The following AEBP1 variants were observed in gnomAD, a reference collection of about 807,000 sequenced individuals.
AEBP1 encodes AE binding protein 1.
AEBP1 carries 69 observed loss-of-function variants against 116.5 expected under a neutral mutation model. That is an observed-to-expected ratio of 0.59 (90% CI 0.49 to 0.72). The LOEUF (loss-of-function observed/expected upper bound fraction) is 0.72. Among genes scored for constraint, AEBP1 ranks in the 30% least tolerant of loss-of-function variants. The pLI is 0.00. For synonymous variants in AEBP1, 627 were observed against 627.3 expected, an observed-to-expected ratio of 1.00 and a Z score of 0.01; for missense variants, 1,444 against 1,557.5, an observed-to-expected ratio of 0.93 and a Z score of 1.23.
In AEBP1 at chr7:44,114,000, G is replaced by C. The variant is rs780563349; in HGVS notation, c.3216G>C (p.Pro1072=). ...STTIEPWGLI[P]PTTAGWEESE... ...CCATAGAGCCCTGGGGCCTCATACC[G>C]CCAACCACCGCTGGCTGGGAGGAGT... Residue 1072 remains proline (P), a synonymous_variant, in exon 21 of 21, where the codon CCG becomes CCC. Coordinates refer to ENST00000223357, the MANE Select transcript of AEBP1 (RefSeq NM_001129.5). This position sits in a 1 kb window ranked among gnomAD's most constrained non-coding sequence, Gnocchi z 5.3. The C allele has an allele frequency of 1.9e-6, 3 of 1,613,852 alleles. No homozygotes were observed. In the South Asian group the frequency reaches 3.3e-5, roughly 18 times the overall value.
At position 44,111,373 on chromosome 7, in the gene AEBP1, AGG is replaced by A. The variant is rs2096229209; in HGVS notation, c.1717-133_1717-132del. On this transcript the variant is annotated intron_variant, in intron 14 of 20. Transcript: ENST00000223357. The surrounding 1 kb of genome is among the most constrained non-coding windows in gnomAD (Gnocchi z 4.7). ...CTGGCTGTCCCTCACCTTAGGAAGGAGGCCAGTACCTGGGGGCTGCGTGAAGG... is the reference window on the plus strand; with the variant it reads ...CTGGCTGTCCCTCACCTTAGGAAGGACCAGTACCTGGGGGCTGCGTGAAGG... 2.3e-5 allele frequency: 33 copies of A among 1,415,120 alleles called. No individual in the cohort carries two copies. Among genetic ancestry groups the A allele is most frequent in the Non-Finnish European group, 3.1e-5 (33 of 1,068,396 alleles). The allele number at this position is 1,415,120 out of a possible 1,614,324, so 87.7% of individuals were successfully genotyped here.
chr7:44,108,923 C>G lies in AEBP1; in HGVS notation c.965C>G (p.Pro322Arg). The change falls in exon 7 of 21, where the codon CCG becomes CGG. Residue 322 changes from proline (P) to arginine (R), a missense_variant. Transcript: ENST00000223357. This position sits in a 1 kb window ranked among gnomAD's most constrained non-coding sequence, Gnocchi z 5.0. ...GTGGACTATTACTTTGGGCCTCCTC[C>G]GCCCCAGAAGCCCGATGCTGAGCGC... ...DDMDYYFGPP[P>R]PQKPDAERQT... 6.3e-7 allele frequency: 1 copy of G among 1,593,416 alleles called. No individual in the cohort carries two copies. Among genetic ancestry groups the G allele is most frequent in the African/African-American group, 1.3e-5 (1 of 74,512 alleles).
In AEBP1 at chr7:44,111,840, TC is replaced by T. The variant is rs746827259; in HGVS notation, c.1841-11del. 1 of 1,609,390 alleles carries T rather than the reference TC, an allele frequency of 6.2e-7. No individual in the cohort carries two copies. The highest frequency in any genetic ancestry group is 8.5e-7 in the Non-Finnish European group (1 of 1,178,038). On this transcript the variant is annotated splice_polypyrimidine_tract_variant and intron_variant, in intron 15 of 20. Transcript: ENST00000223357. The surrounding 1 kb of genome is among the most constrained non-coding windows in gnomAD (Gnocchi z 4.7). ...CGGGAGACTGAGTGCTCACTGAGGC[TC>T]CCGCCCTTGCAGGGGAGCCCGAGTT...
At position 44,107,566 on chromosome 7, in the gene AEBP1, G is replaced by A. The variant is rs35147172; in HGVS notation, c.667+56G>A. 0.047 allele frequency: 75,606 copies of A among 1,613,174 alleles called. 2,177 individuals carry two copies. Among genetic ancestry groups the A allele is most frequent in the Non-Finnish European group, 0.053 (62,177 of 1,179,746 alleles). ...GCCAGCTGCCCTGGCTGGTTGGACT[G>A]AGGGCTTCCCCAGAGTAGGCCTGGG... On this transcript the variant is annotated intron_variant, in intron 3 of 20. Coordinates refer to ENST00000223357, the MANE Select transcript of AEBP1 (RefSeq NM_001129.5). The surrounding 1 kb of genome is among the most constrained non-coding windows in gnomAD (Gnocchi z 4.3).
Position 44,114,401 on chromosome 7 carries a change from C to T in AEBP1, c.*140C>T, listed in dbSNP as rs865957382. The T allele has an allele frequency of 7.3e-6, 7 of 964,758 alleles. No individual in the cohort carries two copies. The highest frequency in any genetic ancestry group is 2.3e-4 in the Middle Eastern group (1 of 4,444). The allele number at this position is 964,758 out of a possible 1,614,324, so 59.8% of individuals were successfully genotyped here. On this transcript the variant is annotated 3_prime_UTR_variant, in exon 21 of 21. Transcript: ENST00000223357. ...ACTGAAAGGAAGGGCTGGTCCTGCC[C>T]CTTTGAGGGGGTGCAAACATGACTG...
rs2096231561 is a variant in AEBP1 at position 44,112,959 on chromosome 7, C to T, written c.2570-32C>T. The T allele has an allele frequency of 1.2e-6, 2 of 1,613,448 alleles. No homozygotes were observed. The highest frequency in any genetic ancestry group is 1.7e-6 in the Non-Finnish European group (2 of 1,179,624). ...GGGCGGGGCCTGGTCCGGAGAGGGG[C>T]TGACTTTGGGTCTGTATCTGTCCCC... On this transcript the variant is annotated intron_variant, in intron 18 of 20. Transcript: ENST00000223357. The surrounding 1 kb of genome is among the most constrained non-coding windows in gnomAD (Gnocchi z 6.6).
Position 44,107,613 on chromosome 7 carries a change from A to G in AEBP1, c.668-16A>G. The stretch of plus-strand genomic sequence containing the variant: ...TGGGTGGGGTTGTCAGGCAGCTACC[A>G]GCGCTTTCCCCTCAGAGCCGGAGGA... On this transcript the variant is annotated splice_polypyrimidine_tract_variant and intron_variant, in intron 3 of 20. Coordinates refer to ENST00000223357, the MANE Select transcript of AEBP1 (RefSeq NM_001129.5). The surrounding 1 kb of genome is among the most constrained non-coding windows in gnomAD (Gnocchi z 4.3). 6.2e-7 allele frequency: 1 copy of G among 1,613,586 alleles called. No individual in the cohort carries two copies. The highest frequency in any genetic ancestry group is 2.2e-5 in the East Asian group (1 of 44,854).
rs548695744 is a variant in AEBP1, at chr7:44,106,960, G to C, written c.595+73G>C. On this transcript the variant is annotated intron_variant, in intron 2 of 20. Coordinates refer to ENST00000223357, the MANE Select transcript of AEBP1 (RefSeq NM_001129.5). ...GGGTGGAGGCAGGGAGTGGGAGGCAGGTTTCTGGGGCCCTGCTTCCTATAG... is the reference window on the plus strand; with the variant it reads ...GGGTGGAGGCAGGGAGTGGGAGGCACGTTTCTGGGGCCCTGCTTCCTATAG... 85 of 1,190,568 alleles carry C rather than the reference G, an allele frequency of 7.1e-5. No homozygotes were observed. In the African/African-American group the frequency reaches 1.2e-3, roughly 17 times the overall value. 73.8% of individuals were successfully genotyped at this position (1,190,568 alleles called of 1,614,324 possible).
In AEBP1 at chr7:44,107,290, A is replaced by C. The variant is rs898353166; in HGVS notation, c.596-149A>C. 1 of 733,614 alleles carries C rather than the reference A, an allele frequency of 1.4e-6. No individual in the cohort carries two copies. The highest frequency in any genetic ancestry group is 1.8e-5 in the African/African-American group (1 of 56,790). The allele number at this position is 733,614 out of a possible 1,614,324, so 45.4% of individuals were successfully genotyped here. A position where few individuals can be genotyped will look rare whatever the true frequency, so the allele number is the denominator to read the frequency against. ...ATGCCAGCAGGATGCTGAAGGCCAG[A>C]GGAGCTCAGGCCTCCTTGGAGTGAG... is the stretch of plus-strand genomic sequence containing the variant. On this transcript the variant is annotated intron_variant, in intron 2 of 20. Transcript: ENST00000223357. This position sits in a 1 kb window ranked among gnomAD's most constrained non-coding sequence, Gnocchi z 4.3.
rs773280814 is a variant in AEBP1, at chr7:44,106,826, C to A, written c.534C>A (p.Thr178=). 2.5e-6 allele frequency: 4 copies of A among 1,608,884 alleles called. No individual in the cohort carries two copies. In the African/African-American group the frequency reaches 4.0e-5, roughly 16 times the overall value. The change falls in exon 2 of 21, where the codon ACC becomes ACA. Residue 178 remains threonine, a synonymous_variant. Coordinates refer to ENST00000223357, the MANE Select transcript of AEBP1 (RefSeq NM_001129.5). ...CCCCCATTCTGGCTCCCTCAGAAAC[C>A]CTGGAGTGGCCACTGCCCCCACCCC... ...KRPPILAPSE[T]LEWPLPPPPS... is the part of the protein sequence containing the mutation.
At position 44,110,742 on chromosome 7, in the gene AEBP1, C is replaced by G. The variant is rs139397017; in HGVS notation, c.1418C>G (p.Thr473Ser). ...DSSIHDDFVT[T>S]FFVGFSNDSQ... Reference sequence around the variant, plus strand: ...CTCCACAGTGACGATTTTGTGACCACCTTCTTCGTGGGCTTCAGCAATGAC... The same window carrying G: ...CTCCACAGTGACGATTTTGTGACCAGCTTCTTCGTGGGCTTCAGCAATGAC... Residue 473 changes from threonine to serine, a missense_variant, in exon 12 of 21, where the codon ACC (threonine) becomes AGC (serine). Thr to Ser is a moderately conservative substitution (Grantham distance 58, BLOSUM62 1). Coordinates refer to ENST00000223357, the MANE Select transcript of AEBP1 (RefSeq NM_001129.5). 75 of 1,524,332 alleles carry G rather than the reference C, an allele frequency of 4.9e-5. No homozygotes were observed. In the African/African-American group the frequency reaches 9.3e-4, roughly 19 times the overall value. The allele number at this position is 1,524,332 out of a possible 1,614,324, so 94.4% of individuals were successfully genotyped here. A position where few individuals can be genotyped will look rare whatever the true frequency, so the allele number is the denominator to read the frequency against.
chr7:44,104,834 C>T lies in AEBP1; in HGVS notation c.169C>T (p.Pro57Ser). The T allele has an allele frequency of 6.3e-7, 1 of 1,590,394 alleles. No individual in the cohort carries two copies. The highest frequency in any genetic ancestry group is 8.6e-7 in the Non-Finnish European group (1 of 1,169,526). ...GCCCCGGGAGGACGACGTGGAGGCCCCGCCGCCTCCCGAGCCCACCCCGCG... is the reference window on the plus strand; with the variant it reads ...GCCCCGGGAGGACGACGTGGAGGCCTCGCCGCCTCCCGAGCCCACCCCGCG... ...PEPREDDVEA[P>S]PPPEPTPRVR... is the part of the protein sequence containing the mutation. Residue 57 changes from proline (P) to serine (S), a missense_variant, in exon 1 of 21, where the codon CCG (proline) becomes TCG (serine). Pro to Ser is a moderately conservative substitution (Grantham distance 74, BLOSUM62 -1). Transcript: ENST00000223357.
At chr7:44,110,618 C>T (rs2096228303) in intron 11 of AEBP1, 107 bp from the exon 12 acceptor site, 1 of 1,138,708 alleles carries the variant, frequency 8.8e-7, no homozygotes, top group African/African-American at 1.6e-5. Flanking sequence ...CCGTGCAGCA[C>T]CACCCTGCTA....
At position 44,112,180 on chromosome 7, in the gene AEBP1, T is replaced by C; in HGVS notation, c.2076T>C (p.Thr692=). ...EFGNWALGLW[T]EEGFDIFEDF... is the part of the protein sequence containing the mutation. The stretch of plus-strand genomic sequence containing the variant: ...GGAACTGGGCGCTGGGACTGTGGAC[T>C]GAGGAGGGCTTTGACATCTTTGAAG... The change falls in exon 17 of 21, where the codon ACT becomes ACC. Residue 692 remains threonine (T), a synonymous_variant. Coordinates refer to ENST00000223357, the MANE Select transcript of AEBP1 (RefSeq NM_001129.5). This position sits in a 1 kb window ranked among gnomAD's most constrained non-coding sequence, Gnocchi z 6.6. 1 of 1,606,266 alleles carries C rather than the reference T, an allele frequency of 6.2e-7. No homozygotes were observed. The highest frequency in any genetic ancestry group is 8.5e-7 in the Non-Finnish European group (1 of 1,173,916).
chr7:44,106,968 G>T, intron 2 of AEBP1, 81 bp downstream of exon 2: 1 of 1,110,474 alleles, frequency 9.0e-7, no homozygotes, highest in Non-Finnish European at 1.3e-6. Context: ...CAGGTTTCTG[G>T]GGCCCTGCTT....
At chr7:44,109,086 C>G in intron 7 of AEBP1, 21 bp from the exon 8 acceptor site, 1 of 1,613,356 alleles carries the variant, frequency 6.2e-7, no homozygotes, top group Non-Finnish European at 8.5e-7. Flanking sequence ...TGACTGGCCC[C>G]TCCTACCTTG....
intron 1 of AEBP1, among the ~76,000 whole-genome samples, chr7:44,105,930 C>T (rs544139591): frequency 1.5e-3 from 222 of 152,272 alleles, no homozygotes; most frequent in African/African-American, 5.1e-3. Flanking sequence ...CCACAAGCTC[C>T]CTACCTGTCT....
In AEBP1 at chr7:44,112,603, C is replaced by A. The variant is rs773376868; in HGVS notation, c.2263C>A (p.Pro755Thr). The A allele has an allele frequency of 2.5e-6, 4 of 1,606,340 alleles. No individual in the cohort carries two copies. The highest frequency in any genetic ancestry group is 2.2e-5 in the East Asian group (1 of 44,674). The change falls in exon 18 of 21, where the codon CCC becomes ACC. Residue 755 changes from proline to threonine, a missense_variant. Coordinates refer to ENST00000223357, the MANE Select transcript of AEBP1 (RefSeq NM_001129.5). This position sits in a 1 kb window ranked among gnomAD's most constrained non-coding sequence, Gnocchi z 6.6. ...RAIIAWMEKN[P>T]FVLGANLNGG... ...CATCATTGCCTGGATGGAGAAGAAC[C>A]CCTTCGTGCTGGGAGCAAATCTGAA...
At position 44,112,045 on chromosome 7, in the gene AEBP1, C is replaced by G; in HGVS notation, c.2032C>G (p.Gln678Glu). The G allele has an allele frequency of 1.2e-6, 2 of 1,612,706 alleles. No homozygotes were observed. The highest frequency in any genetic ancestry group is 1.7e-6 in the Non-Finnish European group (2 of 1,179,082). ...LNPDGYEVAAQMGSEFGNWAL... is the reference protein window; with the variant it reads ...LNPDGYEVAAEMGSEFGNWAL... ...CCCTGATGGCTACGAGGTGGCAGCGCAGATGGTGGGTTGAAGGGTGAGGCT... is the reference window on the plus strand; with the variant it reads ...CCCTGATGGCTACGAGGTGGCAGCGGAGATGGTGGGTTGAAGGGTGAGGCT... The change falls in exon 16 of 21, where the codon CAG becomes GAG. Residue 678 changes from glutamine (Q) to glutamate (E), a missense_variant. Gln to Glu is a conservative substitution (Grantham distance 29). Coordinates refer to ENST00000223357, the MANE Select transcript of AEBP1 (RefSeq NM_001129.5). The surrounding 1 kb of genome is among the most constrained non-coding windows in gnomAD (Gnocchi z 6.6).
Sources: gnomAD v4.1 joint callset for allele counts (sites outside exome capture counted in the v4.1 genomes callset) on GRCh38, gnomAD v4.1.1 for gene constraint, Gnocchi (gnomAD v3.1) non-coding constraint, MANE v1.5 for transcripts, NCBI Gene and HGNC (gene_info 2026-07-23, HGNC 2026-07-21) for gene names.